Variants in SPATA13 observed in about 807,000 individuals in gnomAD.
SPATA13 encodes the protein spermatogenesis associated 13.
SPATA13 carries 50 observed loss-of-function variants against 104.0 expected under a neutral mutation model. That is an observed-to-expected ratio of 0.48 (90% CI 0.38 to 0.61). SPATA13 has a LOEUF of 0.61. Ranked by LOEUF, SPATA13 falls within the 20% of genes least tolerant of loss-of-function variation. SPATA13 has a pLI of 0.00. For synonymous variants in SPATA13, 606 were observed against 667.5 expected (o/e 0.91, Z 1.42); for missense variants, 1,524 against 1,690.6 (o/e 0.90, Z 1.73).
upstream of SPATA13, chr13:24,160,592 G>T: frequency 2.4e-6 from 1 of 408,654 alleles, no homozygotes; most frequent in South Asian, 1.0e-4. Context: ...TTGGTAGTGT[G>T]GGGGCGTGGC....
rs1252519866 is a variant in SPATA13, at chr13:24,127,497, C to G, written c.-111-95322C>G. Among the ~76,000 whole-genome samples the G allele has an allele frequency of 2.6e-5, 4 of 151,556 alleles. No homozygotes were observed. The East Asian group carries it at 7.7e-4, about 29-fold the overall frequency. ...GTCTACTGAGAACAGCCTCTGGGGA[C>G]AGCAGCTGGAGAAGGGTGAACCATA... On this transcript the variant is annotated intron_variant, in intron 3 of 14. Coordinates refer to the SPATA13 transcript ENST00000424834.
At chr13:24,110,444 G>A (rs1489827399) in intron 3 of SPATA13, among the ~76,000 whole-genome samples, 1 of 152,212 alleles carries the variant, frequency 6.6e-6, no homozygotes, top group Non-Finnish European at 1.5e-5. Flanking sequence ...ATTGTAATAT[G>A]TCCATGGGTC....
At position 24,222,992 on chromosome 13, in the gene SPATA13, C is replaced by T. The variant is rs1021996579; in HGVS notation, c.63C>T (p.Asn21=). 2.0e-5 allele frequency: 31 copies of T among 1,551,100 alleles called. No individual in the cohort carries two copies. Among genetic ancestry groups the T allele is most frequent in the Admixed American group, 1.8e-4 (9 of 50,982 alleles). The change falls in exon 2 of 13, where the codon AAC becomes AAT. Residue 21 remains asparagine (N), a synonymous_variant. Transcript: ENST00000382108. ...PCLENMTTAP[N]GLGPGPAAPC... ...TGGAGAACATGACCACTGCCCCAAA[C>T]GGCCTCGGGCCAGGCCCCGCAGCCC...
At position 24,161,733 on chromosome 13, in the gene SPATA13, A is replaced by G. The variant is rs1409041567; in HGVS notation, c.-112+801A>G. On this transcript the variant is annotated intron_variant, in intron 1 of 12. Transcript: ENST00000382108. This position sits in a 1 kb window ranked among gnomAD's most constrained non-coding sequence, Gnocchi z 4.5. Reference sequence around the variant, plus strand: ...GCAAGCAAACAAAACCCTGTGGGTCATTTGCTTCCCAGCATTGCATAGGGA... The same window carrying G: ...GCAAGCAAACAAAACCCTGTGGGTCGTTTGCTTCCCAGCATTGCATAGGGA... 6.6e-6 allele frequency among the ~76,000 whole-genome samples: 1 copy of G among 152,198 alleles called. No homozygotes were observed. Among genetic ancestry groups the G allele is most frequent in the Non-Finnish European group, 1.5e-5 (1 of 68,034 alleles).
intron 3 of SPATA13, among the ~76,000 whole-genome samples, chr13:24,058,608 A>C (rs1384228075): frequency 6.6e-6 from 1 of 151,936 alleles, no homozygotes; most frequent in Admixed American, 6.6e-5. Flanking sequence ...TCTTGGTGTG[A>C]AACTCATGGC....
At chr13:24,155,050 G>A (rs936333216) in intron 3 of SPATA13, among the ~76,000 whole-genome samples, 1 of 152,130 alleles carries the variant, frequency 6.6e-6, no homozygotes, top group Non-Finnish European at 1.5e-5. Flanking sequence ...TAGAGCCAGG[G>A]TTTCACCATG....
intron 3 of SPATA13, among the ~76,000 whole-genome samples, chr13:24,044,229 CTTTCTT>C (rs1322011020): frequency 5.7e-4 from 60 of 105,652 alleles, no homozygotes; most frequent in African/African-American, 1.7e-3. Flanking sequence ...GTTTTTCTTT[CTTTCTT>C]TTTTTTTTTT....
chr13:24,020,659 A>G (rs1348751810), intron 3 of SPATA13, among the ~76,000 whole-genome samples: 1 of 152,246 alleles, frequency 6.6e-6, no homozygotes, highest in African/African-American at 2.4e-5. Flanking sequence ...GAAGTTATGC[A>G]GTTAATTAAG....
At chr13:24,230,481 G>T (rs1872197452) in intron 2 of SPATA13, among the ~76,000 whole-genome samples, 1 of 152,296 alleles carries the variant, frequency 6.6e-6, no homozygotes, top group East Asian at 1.9e-4. Flanking sequence ...TTGCAGAAGG[G>T]CACTGGACTT....
At chr13:24,019,694 A>G (rs944836740) in intron 3 of SPATA13, among the ~76,000 whole-genome samples, 1 of 152,206 alleles carries the variant, frequency 6.6e-6, no homozygotes, top group Admixed American at 6.5e-5. Flanking sequence ...TTTTATTTAA[A>G]AAATAAAATA....
chr13:24,054,401 C>T lies in SPATA13; in HGVS notation c.-112+36700C>T, dbSNP rs1385459114. On this transcript the variant is annotated intron_variant, in intron 3 of 14. Coordinates refer to the SPATA13 transcript ENST00000424834. ...TTCCAAGAAGCCATCACTAAGGCTA[C>T]TACTGGCAGTGGCAGTGGTGGCATT... 3.9e-5 allele frequency among the ~76,000 whole-genome samples: 6 copies of T among 152,334 alleles called. 1 individual carries two copies. The South Asian group carries it at 1.0e-3, about 26-fold the overall frequency.
At chr13:24,134,906 T>A (rs1187979688) in intron 3 of SPATA13, among the ~76,000 whole-genome samples, 2 of 152,198 alleles carry the variant, frequency 1.3e-5, no homozygotes, top group Non-Finnish European at 2.9e-5. Flanking sequence ...TTAGTTAAGA[T>A]GAAGTCATTA....
At chr13:24,240,067 G>A (rs978326372) in intron 2 of SPATA13, among the ~76,000 whole-genome samples, 1 of 151,280 alleles carries the variant, frequency 6.6e-6, no homozygotes, top group African/African-American at 2.5e-5. Context: ...CATTTTGGGA[G>A]TCTGAAGCAG....
upstream of SPATA13, among the ~76,000 whole-genome samples, chr13:24,157,959 A>G (rs1181658288): frequency 6.6e-6 from 1 of 152,212 alleles, no homozygotes; most frequent in African/African-American, 2.4e-5. Flanking sequence ...GATTGTCTTG[A>G]GGATTTAAGA....
At position 24,161,442 on chromosome 13, in the gene SPATA13, G is replaced by A. The variant is rs2138485567; in HGVS notation, c.-112+510G>A. Among the ~76,000 whole-genome samples the A allele has an allele frequency of 6.6e-6, 1 of 152,336 alleles. No individual in the cohort carries two copies. Among genetic ancestry groups the A allele is most frequent in the East Asian group, 1.9e-4 (1 of 5,176 alleles). ...AGAAAGCAAGTTTCTCTTGGTACCA[G>A]CGGAGTCTCGTCCCAGGGGAAAGAT... On this transcript the variant is annotated intron_variant, in intron 1 of 12. Coordinates refer to ENST00000382108, the MANE Select transcript of SPATA13 (RefSeq NM_001166271.3). The surrounding 1 kb of genome is among the most constrained non-coding windows in gnomAD (Gnocchi z 4.5).
chr13:24,134,442 C>T (rs1445664769), intron 3 of SPATA13, among the ~76,000 whole-genome samples: 4 of 152,156 alleles, frequency 2.6e-5, no homozygotes, highest in African/African-American at 4.8e-5. Context: ...GGTGGGGGTG[C>T]GCCTGCTACA....
chr13:24,296,848 C>G (rs1013141593), intron 10 of SPATA13, among the ~76,000 whole-genome samples: 2 of 151,978 alleles, frequency 1.3e-5, no homozygotes, highest in African/African-American at 4.8e-5. Flanking sequence ...ACCAGGAGAC[C>G]AATAAATCCA....
At chr13:24,232,207 G>A (rs1423517744) in intron 2 of SPATA13, among the ~76,000 whole-genome samples, 1 of 152,226 alleles carries the variant, frequency 6.6e-6, no homozygotes, top group African/African-American at 2.4e-5. Flanking sequence ...GCTGGTGTAA[G>A]TCATGGAGTC....
At chr13:24,036,013 C>CAAAA (rs56837096) in intron 3 of SPATA13, among the ~76,000 whole-genome samples, 20 of 112,200 alleles carry the variant, frequency 1.8e-4, no homozygotes, top group Non-Finnish European at 2.0e-4. Context: ...GACCCTGTCT[C>CAAAA]AAAAAAAAAA....
Sources: allele counts gnomAD v4.1 joint callset (sites outside exome capture counted in the v4.1 genomes callset), GRCh38; gene constraint gnomAD v4.1.1; non-coding constraint Gnocchi (gnomAD v3.1); transcripts MANE v1.5; gene names NCBI Gene and HGNC (gene_info 2026-07-23, HGNC 2026-07-21).